C13orf42: variants seen among roughly 807,000 people sequenced by gnomAD.
C13orf42 encodes the protein uncharacterized protein C13orf42.
At chr13:51,130,862 A>T (rs571203304) in intron 1 of C13orf42, among the ~76,000 whole-genome samples, 4,360 of 148,188 alleles carry the variant, frequency 0.029, 91 homozygotes, top group African/African-American at 0.066. Context: ...GTAAAAAAAA[A>T]ATATATATAT....
chr13:51,148,138 G>A (rs1422100154), intron 1 of C13orf42, among the ~76,000 whole-genome samples: 1 of 152,212 alleles, frequency 6.6e-6, no homozygotes, highest in Non-Finnish European at 1.5e-5. Flanking sequence ...AAATCCCATG[G>A]CAAATTGGAC....
chr13:51,138,609 A>G (rs1440087479), intron 1 of C13orf42, among the ~76,000 whole-genome samples: 1 of 152,222 alleles, frequency 6.6e-6, no homozygotes, highest in Non-Finnish European at 1.5e-5. Flanking sequence ...AAGGTTGTGG[A>G]GAAATTGGAA....
Position 51,093,870 on chromosome 13 carries a change from A to ACCAC in C13orf42, c.415-5796_415-5795insGTGG, listed in dbSNP as rs1439927154. Among the ~76,000 whole-genome samples, 12 of 152,332 alleles carry ACCAC rather than the reference A, an allele frequency of 7.9e-5. No homozygotes were observed. The East Asian group carries it at 2.1e-3, about 27-fold the overall frequency. ...TCATCAACCACATAGTCTGTTTAGG[A>ACCAC]ATGGCAGAATACTTGCTCTTTTTTT... On this transcript the variant is annotated intron_variant, in intron 1 of 3. Coordinates refer to ENST00000563710, the MANE Select transcript of C13orf42 (RefSeq NM_001351589.3).
intron 1 of C13orf42, among the ~76,000 whole-genome samples, chr13:51,091,272 AGTGGCGGCACACTG>A (rs1338761096): frequency 6.6e-6 from 1 of 152,170 alleles, no homozygotes; most frequent in Non-Finnish European, 1.5e-5. Flanking sequence ...GGAGTGAGTC[AGTGGCGGCACACTG>A]GTGACGTTAT....
chr13:51,170,158 A>G (rs1042955685), intron 1 of C13orf42, among the ~76,000 whole-genome samples: 1 of 151,830 alleles, frequency 6.6e-6, no homozygotes, highest in Non-Finnish European at 1.5e-5. Context: ...TTTGACTGTA[A>G]TTTTCCTTTA....
At chr13:51,125,416 A>G (rs1468054600) in intron 1 of C13orf42, among the ~76,000 whole-genome samples, 1 of 152,156 alleles carries the variant, frequency 6.6e-6, no homozygotes, top group Non-Finnish European at 1.5e-5. Context: ...TAGGGCATAG[A>G]TTATGCTTGT....
rs370853025 is a variant in C13orf42, at chr13:51,102,174, T to C, written c.414+8622A>G. 1.2e-4 allele frequency among the ~76,000 whole-genome samples: 19 copies of C among 152,240 alleles called. No homozygotes were observed. The South Asian group carries it at 3.7e-3, about 30-fold the overall frequency. Reference sequence around the variant, plus strand: ...ACACTGGCCAAGTGATACAGACAGCTCCCCAGCCCCCGCCAGTAACTGATG... The same window carrying C: ...ACACTGGCCAAGTGATACAGACAGCCCCCCAGCCCCCGCCAGTAACTGATG... On this transcript the variant is annotated intron_variant, in intron 1 of 3. Transcript: ENST00000563710.
chr13:51,141,608 G>A (rs923246181), intron 1 of C13orf42, among the ~76,000 whole-genome samples: 8 of 152,002 alleles, frequency 5.3e-5, no homozygotes, highest in African/African-American at 1.9e-4. Flanking sequence ...GACCAGCCTG[G>A]CCAACATGGT....
chr13:51,101,834 G>C (rs1224481712), intron 1 of C13orf42, among the ~76,000 whole-genome samples: 2 of 152,204 alleles, frequency 1.3e-5, no homozygotes, highest in African/African-American at 4.8e-5. Flanking sequence ...GTGAGAAAAG[G>C]CTTCCCAGGA....
chr13:51,087,911 G>T lies in C13orf42; in HGVS notation c.562+17C>A. On this transcript the variant is annotated intron_variant, in intron 2 of 3. Transcript: ENST00000563710. ...CGCCTTCAGCCACCATCTTCCCACT[G>T]CCTTCCTGGCACTCACCGTCAAAGT... is the stretch of plus-strand genomic sequence containing the variant. 2.5e-6 allele frequency: 1 copy of T among 399,260 alleles called. No individual in the cohort carries two copies. The highest frequency in any genetic ancestry group is 4.4e-6 in the Non-Finnish European group (1 of 226,458). 24.7% of individuals were successfully genotyped at this position (399,260 alleles called of 1,614,324 possible). A position where few individuals can be genotyped will look rare whatever the true frequency, so the allele number is the denominator to read the frequency against.
At chr13:51,114,614 T>TGATAGATAGATA (rs36090660), upstream of C13orf42, among the ~76,000 whole-genome samples, 409 of 136,692 alleles carry the variant, frequency 3.0e-3, 2 homozygotes, top group African/African-American at 9.8e-3. Flanking sequence ...TACAGATAGA[T>TGATAGATAGATA]GATAGATAGA....
intron 1 of C13orf42, among the ~76,000 whole-genome samples, chr13:51,107,323 A>C (rs971945213): frequency 2.6e-5 from 4 of 152,356 alleles, no homozygotes; most frequent in African/African-American, 9.6e-5. Flanking sequence ...TTAAAAAAAA[A>C]TTAGAATAGC....
At chr13:51,113,679 C>A (rs74085534), upstream of C13orf42, among the ~76,000 whole-genome samples, 13,516 of 152,054 alleles carry the variant, frequency 0.089, 885 homozygotes, top group South Asian at 0.26. Context: ...AATCCTCCTG[C>A]CTCGGCCTCC....
intron 1 of C13orf42, among the ~76,000 whole-genome samples, chr13:51,118,399 C>T (rs1176808080): frequency 6.6e-6 from 1 of 152,224 alleles, no homozygotes; most frequent in Non-Finnish European, 1.5e-5. Flanking sequence ...CCTCCTACCT[C>T]ACGCTTCCTC....
At chr13:51,141,379 G>A (rs1408448061) in intron 1 of C13orf42, among the ~76,000 whole-genome samples, 4 of 151,874 alleles carry the variant, frequency 2.6e-5, no homozygotes, top group African/African-American at 7.3e-5. Context: ...AAAAGTGGGG[G>A]ACTCTATGAA....
At chr13:51,085,770 C>A (rs1953118034) in intron 2 of C13orf42, among the ~76,000 whole-genome samples, 1 of 152,222 alleles carries the variant, frequency 6.6e-6, no homozygotes, top group Admixed American at 6.5e-5. Flanking sequence ...GGGACATAGG[C>A]CAGGTGCGGG....
chr13:51,116,833 C>G (rs1953495992), intron 1 of C13orf42, among the ~76,000 whole-genome samples: 1 of 152,178 alleles, frequency 6.6e-6, no homozygotes, highest in Admixed American at 6.5e-5. Flanking sequence ...TTGTCTGGGT[C>G]TAGGCACAAA....
intron 1 of C13orf42, among the ~76,000 whole-genome samples, chr13:51,150,769 G>C (rs1222913372): frequency 1.3e-5 from 2 of 152,176 alleles, no homozygotes; most frequent in East Asian, 3.8e-4. Context: ...ATCCCAGAAT[G>C]AAAACTAAAA....
rs111518647 is a variant in C13orf42 at position 51,083,628 on chromosome 13, G to GAGTT, written c.*522_*523insAACT. On this transcript the variant is annotated 3_prime_UTR_variant, in exon 4 of 4. Transcript: ENST00000563710. ...AGGAGTTTCTGGAAAACTCTGAAAAGAGAGCAAAAGGAGCTGCTTTCTCAA... is the reference window on the plus strand; with the variant it reads ...AGGAGTTTCTGGAAAACTCTGAAAAGAGTTAGAGCAAAAGGAGCTGCTTTCTCAA... 0.33 allele frequency: 50,743 copies of GAGTT among 151,958 alleles called. 9,572 individuals are homozygous for GAGTT. Among genetic ancestry groups the GAGTT allele is most frequent in the African/African-American group, 0.51 (21,230 of 41,338 alleles). The allele number at this position is 151,958 out of a possible 1,614,324, so 9.4% of individuals were successfully genotyped here.
Sources: allele counts gnomAD v4.1 joint callset (sites outside exome capture counted in the v4.1 genomes callset), GRCh38; gene constraint gnomAD v4.1.1; transcripts MANE v1.5; gene names NCBI Gene and HGNC (gene_info 2026-07-23, HGNC 2026-07-21).